Variants in USP53 observed in about 807,000 individuals in gnomAD.
USP53 encodes the protein ubiquitin specific peptidase 53, also known as ubiquitin carboxyl-terminal hydrolase 53.
A neutral mutation model predicts 94.9 loss-of-function variants in USP53; 71 were observed. The observed-to-expected ratio is 0.75, with a 90% CI of 0.62 to 0.91. The LOEUF (loss-of-function observed/expected upper bound fraction) is 0.91, where lower values mean the gene tolerates loss of function less well. USP53 is among the 40% of genes least tolerant of loss of function. The probability of loss-of-function intolerance (pLI) is 0.00; values close to 1 mark genes in which losing one functional copy is unlikely to be tolerated. For synonymous variants in USP53, 375 were observed against 422.7 expected, an observed-to-expected ratio of 0.89 and a Z score of 1.39; for missense variants, 1,173 against 1,281.0, an observed-to-expected ratio of 0.92 and a Z score of 1.29.
chr4:119,232,065 A>G (rs1746151240), intron 3 of USP53, among the ~76,000 whole-genome samples: 2 of 152,216 alleles, frequency 1.3e-5, no homozygotes, highest in Non-Finnish European at 2.9e-5. Context: ...CACTGTAAGG[A>G]TGGCAGTCTC....
At chr4:119,248,931 C>G in intron 7 of USP53, 49 bp downstream of exon 7, 1 of 1,604,058 alleles carries the variant, frequency 6.2e-7, no homozygotes, top group Non-Finnish European at 8.5e-7. Context: ...AGTTTTCATT[C>G]CTTAGATGGT....
rs1352425619 is a variant in USP53 at position 119,271,282 on chromosome 4, T to A, written c.1436-14T>A. On this transcript the variant is annotated splice_polypyrimidine_tract_variant and intron_variant, in intron 15 of 18. Transcript: ENST00000692078. ...AGGAGTAATTCATGTGTATCTTTAA[T>A]TTTTTTTTTTAAGATTTGGTTGATG... is the stretch of plus-strand genomic sequence containing the variant. 7.9e-7 allele frequency: 1 copy of A among 1,269,914 alleles called. No individual in the cohort carries two copies. Among genetic ancestry groups the A allele is most frequent in the East Asian group, 2.6e-5 (1 of 38,288 alleles). The allele number at this position is 1,269,914 out of a possible 1,614,324, so 78.7% of individuals were successfully genotyped here.
intron 10 of USP53, among the ~76,000 whole-genome samples, chr4:119,260,213 A>G (rs2149385191): frequency 6.6e-6 from 1 of 152,248 alleles, no homozygotes; most frequent in South Asian, 2.1e-4. Context: ...ATGATGAATG[A>G]TACTCTTTTC....
chr4:119,268,221 T>A, intron 13 of USP53, 47 bp from the exon 14 acceptor site: 1 of 1,511,044 alleles, frequency 6.6e-7, no homozygotes, highest in Non-Finnish European at 8.9e-7. Context: ...AAACATCTCT[T>A]CTCATGGGAA....
Position 119,233,265 on chromosome 4 carries a change from G to A in USP53, c.-664-2025G>A, listed in dbSNP as rs139657113. Among the ~76,000 whole-genome samples, 758 of 149,722 alleles carry A rather than the reference G, an allele frequency of 5.1e-3. 7 individuals carry two copies. Among genetic ancestry groups the A allele is most frequent in the African/African-American group, 0.017 (713 of 40,836 alleles). On this transcript the variant is annotated intron_variant, in intron 3 of 18. Transcript: ENST00000692078. The stretch of plus-strand genomic sequence containing the variant: ...TTGGGATTTATTTTTTCTATTGTTT[G>A]ACTATAAATTGACTTGGAAATCTCC...
At chr4:119,248,511 G>A (rs968380385) in intron 6 of USP53, among the ~76,000 whole-genome samples, 1 of 150,738 alleles carries the variant, frequency 6.6e-6, no homozygotes, top group Non-Finnish European at 1.5e-5. Context: ...CTGAGGGTGG[G>A]ACCTGGGAAC....
chr4:119,292,483 A>G lies in USP53; in HGVS notation c.2494A>G (p.Asn832Asp), dbSNP rs1368372508. The G allele has an allele frequency of 3.1e-6, 5 of 1,613,908 alleles. No homozygotes were observed. Among genetic ancestry groups the G allele is most frequent in the Non-Finnish European group, 4.2e-6 (5 of 1,179,932 alleles). ...PNECKFSEWL[N>D]IENSERTGLP... ...TGAATGCAAATTTTCTGAGTGGCTT[A>G]ATATAGAAAATTCTGAGAGAACAGG... Residue 832 changes from asparagine (N) to aspartate (D), a missense_variant, in exon 19 of 19, where the codon AAT becomes GAT. Asn to Asp is a conservative substitution (Grantham distance 23, BLOSUM62 1). Coordinates refer to ENST00000692078, the MANE Select transcript of USP53 (RefSeq NM_001371395.1).
intron 17 of USP53, among the ~76,000 whole-genome samples, chr4:119,289,606 T>A (rs1561357736): frequency 1.3e-5 from 2 of 152,218 alleles, no homozygotes; most frequent in Admixed American, 6.5e-5. Flanking sequence ...TATACAGTTT[T>A]CTGCTTCTCA....
At chr4:119,223,081 A>G (rs1218729828) in intron 3 of USP53, among the ~76,000 whole-genome samples, 1 of 152,202 alleles carries the variant, frequency 6.6e-6, no homozygotes, top group Non-Finnish European at 1.5e-5. Flanking sequence ...AATTTTGAGA[A>G]ATAACTAAAA....
chr4:119,279,752 G>C (rs1287593345), intron 17 of USP53, among the ~76,000 whole-genome samples: 1 of 152,230 alleles, frequency 6.6e-6, no homozygotes, highest in African/African-American at 2.4e-5. Context: ...CAGTCAGCGA[G>C]ATTCCATGGG....
At chr4:119,255,475 C>T in intron 7 of USP53, among the ~76,000 whole-genome samples, 1 of 152,216 alleles carries the variant, frequency 6.6e-6, no homozygotes, top group East Asian at 1.9e-4. Flanking sequence ...TCCCCTCAAC[C>T]AACCTCCCGC....
In USP53 at chr4:119,237,032, C is replaced by G. The variant is rs374660536; in HGVS notation, c.-543+1621C>G. On this transcript the variant is annotated intron_variant, in intron 4 of 18. Coordinates refer to ENST00000692078, the MANE Select transcript of USP53 (RefSeq NM_001371395.1). Reference sequence around the variant, plus strand: ...TCAAAATTACTCCTTGATTCATGAGCTGCAGAATGGTTATTGCAGGGATGA... The same window carrying G: ...TCAAAATTACTCCTTGATTCATGAGGTGCAGAATGGTTATTGCAGGGATGA... Among the ~76,000 whole-genome samples the G allele has an allele frequency of 5.9e-5, 9 of 152,270 alleles. No homozygotes were observed. In the East Asian group the frequency reaches 1.5e-3, roughly 26 times the overall value.
chr4:119,225,751 AAAAC>A (rs1444522500), intron 3 of USP53, among the ~76,000 whole-genome samples: 7 of 152,336 alleles, frequency 4.6e-5, no homozygotes, highest in Admixed American at 2.6e-4. Context: ...AAACAAAAAC[AAAAC>A]AAACAAAGAA....
rs553142365 is a variant in USP53 at position 119,252,390 on chromosome 4, G to A, written c.372+3508G>A. Among the ~76,000 whole-genome samples, 13 of 152,200 alleles carry A rather than the reference G, an allele frequency of 8.5e-5. No homozygotes were observed. The South Asian group carries it at 2.7e-3, about 32-fold the overall frequency. ...GACTTTTTTTGGTTGGTAGGCTATT[G>A]ATTATTGCCTCAATTTCAGAACCTG... is the stretch of plus-strand genomic sequence containing the variant. On this transcript the variant is annotated intron_variant, in intron 7 of 18. Transcript: ENST00000692078.
intron 7 of USP53, among the ~76,000 whole-genome samples, chr4:119,254,638 T>G (rs1299214199): frequency 1.3e-5 from 2 of 152,102 alleles, no homozygotes. Flanking sequence ...TTTTTCAAGG[T>G]TTTTAGCTCC....
chr4:119,236,278 T>C (rs571690682), intron 4 of USP53, among the ~76,000 whole-genome samples: 1 of 152,364 alleles, frequency 6.6e-6, no homozygotes, highest in Admixed American at 6.5e-5. Flanking sequence ...TAAAAACTAT[T>C]GTTAGAAAAT....
chr4:119,247,313 A>T (rs1306460234), intron 6 of USP53, among the ~76,000 whole-genome samples: 1 of 152,196 alleles, frequency 6.6e-6, no homozygotes, highest in Non-Finnish European at 1.5e-5. Flanking sequence ...CTCAGAGCTG[A>T]TCCCCACCTC....
At chr4:119,253,044 TTGAA>T (rs1318402428) in intron 7 of USP53, among the ~76,000 whole-genome samples, 6 of 152,186 alleles carry the variant, frequency 3.9e-5, no homozygotes, top group African/African-American at 1.4e-4. Context: ...TTGTGCGTAT[TTGAA>T]TGAGATTCTT....
At chr4:119,270,159 A>T (rs962356463) in intron 15 of USP53, among the ~76,000 whole-genome samples, 1 of 151,364 alleles carries the variant, frequency 6.6e-6, no homozygotes, top group African/African-American at 2.4e-5. Context: ...CAGTGACACA[A>T]TCATAGCTCT....
Sources: allele counts gnomAD v4.1 joint callset (sites outside exome capture counted in the v4.1 genomes callset), GRCh38; gene constraint gnomAD v4.1.1; transcripts MANE v1.5; gene names NCBI Gene and HGNC (gene_info 2026-07-23, HGNC 2026-07-21).